Variants in FAM81B observed in about 807,000 individuals in gnomAD.
FAM81B encodes family with sequence similarity 81 member B.
In FAM81B, 60 loss-of-function variants were observed where a neutral mutation model predicts 58.7. The observed-to-expected ratio is 1.02, with a 90% CI of 0.83 to 1.27. FAM81B has a LOEUF of 1.27. FAM81B is among the 50% of genes most tolerant of loss of function. FAM81B has a pLI of 0.00. For missense variants in FAM81B, 491 were observed against 522.0 expected (o/e 0.94, Z 0.58); for synonymous variants, 189 against 179.6 (o/e 1.05, Z -0.42).
intron 9 of FAM81B, 103 bp downstream of exon 9, chr5:95,448,567 G>A: frequency 1.9e-6 from 2 of 1,059,022 alleles, no homozygotes; most frequent in Non-Finnish European, 2.7e-6. Flanking sequence ...CTTGTCATTA[G>A]TGACATCGTT....
chr5:95,408,075 TGAGAGAGAGAGAGAGA>T (rs10567707), intron 3 of FAM81B, among the ~76,000 whole-genome samples: 4 of 130,328 alleles, frequency 3.1e-5, no homozygotes, highest in Admixed American at 7.6e-5. Context: ...TCCCCCAAAA[TGAGAGAGAGAGAGAGA>T]GAGAGAGAGA....
At chr5:95,439,952 C>T (rs548760923) in intron 7 of FAM81B, 1 of 285,510 alleles carries the variant, frequency 3.5e-6, no homozygotes, top group Non-Finnish European at 6.8e-6. Context: ...CCCAGGAGTT[C>T]GGGTTACAAT....
chr5:95,406,733 T>C (rs1185916219), intron 3 of FAM81B, among the ~76,000 whole-genome samples: 1 of 152,146 alleles, frequency 6.6e-6, no homozygotes, highest in Non-Finnish European at 1.5e-5. Context: ...CTCCAAGTCC[T>C]TCAGGATTTT....
intron 2 of FAM81B, among the ~76,000 whole-genome samples, chr5:95,395,677 G>A (rs1761947830): frequency 6.6e-6 from 1 of 152,132 alleles, no homozygotes; most frequent in South Asian, 2.1e-4. Context: ...ATAATAATCT[G>A]ACATCCAGGT....
chr5:95,411,078 G>A (rs1762392277), intron 3 of FAM81B, among the ~76,000 whole-genome samples: 2 of 152,146 alleles, frequency 1.3e-5, no homozygotes, highest in Admixed American at 1.3e-4. Context: ...TTGAAGGAAT[G>A]TTGTCATGTT....
chr5:95,428,088 C>T (rs1299496171), intron 5 of FAM81B, among the ~76,000 whole-genome samples: 2 of 152,154 alleles, frequency 1.3e-5, no homozygotes, highest in Non-Finnish European at 1.5e-5. Flanking sequence ...GAGGCTAAAA[C>T]GGTGAGAAAT....
chr5:95,398,924 A>G (rs998665232), intron 3 of FAM81B, among the ~76,000 whole-genome samples: 3 of 152,248 alleles, frequency 2.0e-5, no homozygotes, highest in African/African-American at 4.8e-5. Flanking sequence ...AATTGGAACT[A>G]TGATAGCATC....
chr5:95,424,272 TAGAC>T (rs1561303756), intron 5 of FAM81B: 2 of 1,247,912 alleles, frequency 1.6e-6, no homozygotes, highest in East Asian at 5.6e-5. Flanking sequence ...CATCCCCAGA[TAGAC>T]AGAAGACAGA....
At chr5:95,431,672 G>A (rs1744898185) in intron 6 of FAM81B, among the ~76,000 whole-genome samples, 2 of 151,698 alleles carry the variant, frequency 1.3e-5, no homozygotes, top group Admixed American at 6.6e-5. Flanking sequence ...ATGTAGATTT[G>A]GCATAATTTC....
intron 3 of FAM81B, among the ~76,000 whole-genome samples, chr5:95,409,251 C>T (rs547581646): frequency 2.1e-4 from 32 of 152,192 alleles, no homozygotes; most frequent in Non-Finnish European, 3.8e-4. Flanking sequence ...CTCCACCTTG[C>T]GGGTTCAAGT....
chr5:95,409,111 G>A (rs1582793989), intron 3 of FAM81B, among the ~76,000 whole-genome samples: 1 of 152,160 alleles, frequency 6.6e-6, no homozygotes, highest in East Asian at 1.9e-4. Context: ...TAGATATAAC[G>A]GTTTAAATAA....
chr5:95,428,545 A>C (rs1582815496), intron 5 of FAM81B, 58 bp from the exon 6 acceptor site: 1 of 1,599,404 alleles, frequency 6.3e-7, no homozygotes. Context: ...GGTGTCTACT[A>C]TAGTGTTAAA....
At position 95,402,715 on chromosome 5, in the gene FAM81B, C is replaced by G. The variant is rs547854516; in HGVS notation, c.293+6540C>G. ...GGCTTGGGTCTGCCCTCGCATTGCTCTCTCTGGATATAATCTTGACATTAG... is the reference window on the plus strand; with the variant it reads ...GGCTTGGGTCTGCCCTCGCATTGCTGTCTCTGGATATAATCTTGACATTAG... On this transcript the variant is annotated intron_variant, in intron 3 of 9. Coordinates refer to ENST00000283357, the MANE Select transcript of FAM81B (RefSeq NM_152548.3). 1.7e-4 allele frequency among the ~76,000 whole-genome samples: 26 copies of G among 152,306 alleles called. 1 individual carries two copies. Among genetic ancestry groups the G allele is most frequent in the South Asian group, 1.5e-3 (7 of 4,820 alleles).
chr5:95,413,814 G>A lies in FAM81B; in HGVS notation c.294-133G>A, dbSNP rs1029604810. ...CTTCACCAAATTCTAACCATGGCAA[G>A]TGCTTAAAATCCTATCAAACTTCTC... On this transcript the variant is annotated intron_variant, in intron 3 of 9. Transcript: ENST00000283357. 3 of 1,425,606 alleles carry A rather than the reference G, an allele frequency of 2.1e-6. No homozygotes were observed. In the African/African-American group the frequency reaches 4.3e-5, roughly 20 times the overall value. 88.3% of individuals were successfully genotyped at this position (1,425,606 alleles called of 1,614,324 possible).
At chr5:95,439,855 C>T (rs1307427500) in intron 7 of FAM81B, among the ~76,000 whole-genome samples, 2 of 151,930 alleles carry the variant, frequency 1.3e-5, no homozygotes, top group Admixed American at 1.3e-4. Flanking sequence ...GTTTTAATAA[C>T]ATTAAAGGTT....
chr5:95,394,763 G>A (rs2152759773), intron 2 of FAM81B, among the ~76,000 whole-genome samples: 1 of 152,218 alleles, frequency 6.6e-6, no homozygotes, highest in East Asian at 1.9e-4. Flanking sequence ...TTTTCTGCCT[G>A]CCCACCACCA....
chr5:95,449,324 C>T (rs1438377774), intron 9 of FAM81B, among the ~76,000 whole-genome samples: 2 of 152,054 alleles, frequency 1.3e-5, no homozygotes, highest in Admixed American at 6.6e-5. Context: ...CCCCTCCCAC[C>T]GTCATATCAA....
chr5:95,444,244 G>A (rs1745469757), intron 7 of FAM81B, among the ~76,000 whole-genome samples: 1 of 152,114 alleles, frequency 6.6e-6, no homozygotes, highest in Non-Finnish European at 1.5e-5. Context: ...TATATTCCAG[G>A]CATTGTTATC....
At chr5:95,420,135 A>G (rs1409700458) in intron 4 of FAM81B, 149 bp from the exon 5 acceptor site, 1 of 881,388 alleles carries the variant, frequency 1.1e-6, no homozygotes, top group Non-Finnish European at 1.7e-6. Context: ...ATTAGCAGAG[A>G]TCACTTCTCT....
Sources: gnomAD v4.1 joint callset for allele counts (sites outside exome capture counted in the v4.1 genomes callset) on GRCh38, gnomAD v4.1.1 for gene constraint, MANE v1.5 for transcripts, NCBI Gene and HGNC (gene_info 2026-07-23, HGNC 2026-07-21) for gene names.